The following ERC2 variants were observed in gnomAD, a reference collection of about 807,000 sequenced individuals.
ERC2 encodes the protein ELKS/RAB6-interacting/CAST family member 2, also known as ERC protein 2.
A neutral mutation model predicts 114.8 loss-of-function variants in ERC2; 42 were observed. The ratio of observed to expected loss-of-function variants is 0.37; its 90% CI spans 0.29 to 0.47. The LOEUF (loss-of-function observed/expected upper bound fraction) is 0.47, where lower values mean the gene tolerates loss of function less well. Among genes scored for constraint, ERC2 ranks in the 20% least tolerant of loss-of-function variants. The pLI is 0.99. For missense variants in ERC2, 939 were observed against 1,150.7 expected (o/e 0.82, Z 2.66); for synonymous variants, 454 against 425.5 (o/e 1.07, Z -0.82).
At chr3:55,530,171 C>G (rs1410754780) in intron 17 of ERC2, among the ~76,000 whole-genome samples, 2 of 152,180 alleles carry the variant, frequency 1.3e-5, no homozygotes, top group East Asian at 3.8e-4. Context: ...TAATTCAAAA[C>G]CAAGGATACC....
At chr3:56,285,713 A>T (rs934407726) in intron 3 of ERC2, among the ~76,000 whole-genome samples, 1 of 152,232 alleles carries the variant, frequency 6.6e-6, no homozygotes, top group Non-Finnish European at 1.5e-5. Flanking sequence ...GCCATGGCAC[A>T]CTAACAACTA....
At chr3:55,727,263 C>A (rs953672329) in intron 15 of ERC2, among the ~76,000 whole-genome samples, 2 of 152,104 alleles carry the variant, frequency 1.3e-5, no homozygotes, top group South Asian at 4.1e-4. Context: ...AGAAAAAGAA[C>A]CAAATCAAAA....
chr3:56,271,931 T>C lies in ERC2; in HGVS notation c.1074+24088A>G, dbSNP rs1453407544. On this transcript the variant is annotated intron_variant, in intron 3 of 17. Coordinates refer to ENST00000288221, the MANE Select transcript of ERC2 (RefSeq NM_015576.3). ...TGTTGCTGCAAAGAACACAATGTTC[T>C]TTTTTATGGCTGTGTAGTATTCTGT... 2.6e-5 allele frequency among the ~76,000 whole-genome samples: 4 copies of C among 152,178 alleles called. No homozygotes were observed. The East Asian group carries it at 5.8e-4, about 22-fold the overall frequency.
chr3:56,387,571 G>A (rs1019812895), intron 2 of ERC2, among the ~76,000 whole-genome samples: 3 of 152,130 alleles, frequency 2.0e-5, no homozygotes, highest in South Asian at 2.1e-4. Context: ...GACAATATTC[G>A]TTCACCATGA....
At chr3:55,624,638 C>T (rs2059442283) in intron 17 of ERC2, among the ~76,000 whole-genome samples, 1 of 152,170 alleles carries the variant, frequency 6.6e-6, no homozygotes, top group Non-Finnish European at 1.5e-5. Flanking sequence ...CACTCAGCAG[C>T]CTTGGCTCGG....
chr3:55,694,818 C>T (rs1485479296), intron 16 of ERC2, among the ~76,000 whole-genome samples: 1 of 152,162 alleles, frequency 6.6e-6, no homozygotes, highest in Non-Finnish European at 1.5e-5. Flanking sequence ...TAACACCCAA[C>T]CCAAGACCCG....
At chr3:56,175,026 A>G (rs2082899062) in intron 3 of ERC2, among the ~76,000 whole-genome samples, 1 of 151,986 alleles carries the variant, frequency 6.6e-6, no homozygotes, top group Admixed American at 6.6e-5. Context: ...CTGTCAGAAC[A>G]CTCAAGACAC....
intron 14 of ERC2, among the ~76,000 whole-genome samples, chr3:55,765,126 T>C (rs181690689): frequency 6.6e-6 from 1 of 152,170 alleles, no homozygotes; most frequent in Non-Finnish European, 1.5e-5. Context: ...GTCCACATGA[T>C]CTATTTCTTT....
At chr3:55,516,192 G>A (rs1439945659) in intron 17 of ERC2, among the ~76,000 whole-genome samples, 2 of 151,552 alleles carry the variant, frequency 1.3e-5, no homozygotes, top group Non-Finnish European at 2.9e-5. Context: ...CTGCAGAACA[G>A]CTCCATGAAG....
Position 56,320,044 on chromosome 3 carries a change from A to G in ERC2, c.658-23609T>C, listed in dbSNP as rs1329845184. ...CCAAAAAAGCTTATCTGAGCAAACG[A>G]CAATTCATTAATCAGGAACCTCCAA... is the stretch of plus-strand genomic sequence containing the variant. On this transcript the variant is annotated intron_variant, in intron 2 of 17. Coordinates refer to ENST00000288221, the MANE Select transcript of ERC2 (RefSeq NM_015576.3). 2.0e-5 allele frequency among the ~76,000 whole-genome samples: 3 copies of G among 152,246 alleles called. No individual in the cohort carries two copies. The East Asian group carries it at 5.8e-4, about 29-fold the overall frequency.
At chr3:55,768,265 G>A (rs1273923953) in intron 14 of ERC2, among the ~76,000 whole-genome samples, 1 of 152,200 alleles carries the variant, frequency 6.6e-6, no homozygotes, top group Non-Finnish European at 1.5e-5. Flanking sequence ...GAAGAAAGAA[G>A]GCTGGTTTGC....
At chr3:56,178,026 T>G (rs1283897692) in intron 3 of ERC2, among the ~76,000 whole-genome samples, 5 of 152,206 alleles carry the variant, frequency 3.3e-5, no homozygotes, top group Non-Finnish European at 5.9e-5. Flanking sequence ...CTTTAGCTAG[T>G]GCAAAATTGC....
chr3:55,900,163 T>C (rs2064056879), intron 13 of ERC2, among the ~76,000 whole-genome samples: 1 of 152,198 alleles, frequency 6.6e-6, no homozygotes, highest in African/African-American at 2.4e-5. Context: ...CTGTCAACAG[T>C]AATTCCTGCC....
chr3:55,513,412 G>A (rs755981644), intron 17 of ERC2, among the ~76,000 whole-genome samples: 18 of 152,078 alleles, frequency 1.2e-4, no homozygotes, highest in South Asian at 2.1e-4. Context: ...TCACAAGCGT[G>A]TCTCTCTATC....
intron 2 of ERC2, among the ~76,000 whole-genome samples, chr3:56,348,862 TGAAA>T (rs1351917880): frequency 0.051 from 5,107 of 99,872 alleles, 148 homozygotes; most frequent in Middle Eastern, 0.1. Context: ...ACCACCAAAA[TGAAA>T]GAAAGGAAGG....
intron 17 of ERC2, chr3:55,610,563 T>C (rs112216116): frequency 4.8e-5 from 7 of 144,458 alleles, no homozygotes; most frequent in African/African-American, 1.3e-4. Context: ...TAGCCAGGCA[T>C]GGTGGCACGA....
At position 55,733,530 on chromosome 3, in the gene ERC2, T is replaced by TC. The variant is rs2065416302; in HGVS notation, c.2712+1240_2712+1241insG. 7.4e-3 allele frequency among the ~76,000 whole-genome samples: 275 copies of TC among 36,960 alleles called. 9 individuals carry two copies. Among genetic ancestry groups the TC allele is most frequent in the Admixed American group, 0.018 (82 of 4,624 alleles). The allele number at this position is 36,960 out of a possible 152,430, so 24.2% of individuals were successfully genotyped here. A position where few individuals can be genotyped will look rare whatever the true frequency, so the allele number is the denominator to read the frequency against. Reference sequence around the variant, plus strand: ...CTCTCATTCTCTCTGTCTCTCATTCTTTCTCTCTCTCTCACACACACACAC... The same window carrying TC: ...CTCTCATTCTCTCTGTCTCTCATTCTCTTCTCTCTCTCTCACACACACACAC... On this transcript the variant is annotated intron_variant, in intron 15 of 17. Coordinates refer to ENST00000288221, the MANE Select transcript of ERC2 (RefSeq NM_015576.3).
At chr3:56,181,941 C>A (rs1288862450) in intron 3 of ERC2, among the ~76,000 whole-genome samples, 1 of 152,202 alleles carries the variant, frequency 6.6e-6, no homozygotes, top group Non-Finnish European at 1.5e-5. Context: ...CAGATGACTG[C>A]AGCCCTGTCC....
intron 12 of ERC2, chr3:55,955,198 T>C (rs1195552614): frequency 2.0e-6 from 1 of 512,794 alleles, no homozygotes; most frequent in Non-Finnish European, 3.9e-6. Flanking sequence ...AAGAAGGGAA[T>C]AGTTTTGGGA....
Sources: allele counts gnomAD v4.1 joint callset (sites outside exome capture counted in the v4.1 genomes callset), GRCh38; gene constraint gnomAD v4.1.1; transcripts MANE v1.5; gene names NCBI Gene and HGNC (gene_info 2026-07-23, HGNC 2026-07-21).